Variants in NAALADL2 observed in about 807,000 individuals in gnomAD.
NAALADL2 encodes the protein inactive N-acetylated-alpha-linked acidic dipeptidase-like protein 2.
Under a neutral mutation model 87.2 loss-of-function variants are expected in NAALADL2, and 76 were observed. The observed-to-expected ratio is 0.87, with a 90% CI of 0.72 to 1.05. NAALADL2 has a LOEUF of 1.05. Among genes scored for constraint, NAALADL2 ranks in the 50% least tolerant of loss-of-function variants. The pLI is 0.00. For synonymous variants in NAALADL2, 354 were observed against 331.0 expected (o/e 1.07, Z -0.75); for missense variants, 1,089 against 945.8 (o/e 1.15, Z -1.99).
At chr3:175,581,814 G>T (rs890367527) in intron 10 of NAALADL2, among the ~76,000 whole-genome samples, 14 of 152,152 alleles carry the variant, frequency 9.2e-5, no homozygotes, top group African/African-American at 3.1e-4. Context: ...GCTTATTTGA[G>T]GAAATGGACT....
intron 2 of NAALADL2, among the ~76,000 whole-genome samples, chr3:175,188,574 T>C (rs1183719459): frequency 6.6e-6 from 1 of 152,080 alleles, no homozygotes; most frequent in East Asian, 1.9e-4. Flanking sequence ...TGCCATCTCA[T>C]CCTCCAGGCC....
At chr3:175,250,194 T>C (rs917674023) in intron 3 of NAALADL2, among the ~76,000 whole-genome samples, 13 of 151,212 alleles carry the variant, frequency 8.6e-5, no homozygotes, top group Non-Finnish European at 1.0e-4. Context: ...AAAGAGCGAT[T>C]AGTATTCTTA....
At chr3:175,745,223 C>A (rs1405911229) in intron 12 of NAALADL2, among the ~76,000 whole-genome samples, 1 of 152,166 alleles carries the variant, frequency 6.6e-6, no homozygotes, top group South Asian at 2.1e-4. Flanking sequence ...CTTGAAAGCT[C>A]ACTTTGACTG....
At chr3:174,614,342 G>A (rs1267282046) in intron 2 of NAALADL2, among the ~76,000 whole-genome samples, 2 of 152,154 alleles carry the variant, frequency 1.3e-5, no homozygotes, top group African/African-American at 2.4e-5. Context: ...TCTTGTGGTG[G>A]CGAGGCTTGC....
At chr3:175,460,082 A>C (rs1722885032) in intron 6 of NAALADL2, 1 of 445,012 alleles carries the variant, frequency 2.2e-6, no homozygotes, top group Non-Finnish European at 4.5e-6. Context: ...TTGTAGGATA[A>C]ATTTCTAAGT....
intron 2 of NAALADL2, among the ~76,000 whole-genome samples, chr3:174,643,795 A>G (rs371212479): frequency 1.3e-5 from 2 of 152,370 alleles, no homozygotes; most frequent in East Asian, 1.9e-4. Flanking sequence ...TGTTATTTAC[A>G]TACAACAGTG....
At chr3:175,500,746 G>C (rs898765024) in intron 9 of NAALADL2, among the ~76,000 whole-genome samples, 1 of 152,010 alleles carries the variant, frequency 6.6e-6, no homozygotes, top group African/African-American at 2.4e-5. Flanking sequence ...GGCGCATAGA[G>C]AAATTAAGAT....
At chr3:175,125,503 A>T (rs1174969121) in intron 2 of NAALADL2, among the ~76,000 whole-genome samples, 1 of 152,036 alleles carries the variant, frequency 6.6e-6, no homozygotes, top group Non-Finnish European at 1.5e-5. Context: ...GTGCAAAGAT[A>T]TTGGATCCTT....
At chr3:175,695,545 G>A (rs1296584710) in intron 11 of NAALADL2, among the ~76,000 whole-genome samples, 6 of 152,104 alleles carry the variant, frequency 3.9e-5, no homozygotes, top group Admixed American at 6.6e-5. Flanking sequence ...AATATGCTGA[G>A]CTTTTGTAGG....
intron 2 of NAALADL2, among the ~76,000 whole-genome samples, chr3:175,130,349 T>C (rs1285981758): frequency 1.3e-5 from 2 of 152,200 alleles, no homozygotes; most frequent in Non-Finnish European, 2.9e-5. Flanking sequence ...TTTAGTTTTA[T>C]GTAGTCCCAC....
At chr3:174,752,128 C>T (rs1231681563) in intron 3 of NAALADL2, among the ~76,000 whole-genome samples, 4 of 152,010 alleles carry the variant, frequency 2.6e-5, no homozygotes, top group Non-Finnish European at 5.9e-5. Flanking sequence ...TAGGCGCCCG[C>T]CACCATGCCC....
chr3:175,742,846 TGGG>T (rs1203810079), intron 12 of NAALADL2, among the ~76,000 whole-genome samples: 1 of 152,126 alleles, frequency 6.6e-6, no homozygotes, highest in Non-Finnish European at 1.5e-5. Context: ...TGTAATAAGT[TGGG>T]GGGAATTCAG....
At chr3:174,779,238 A>C (rs1240839719) in intron 3 of NAALADL2, among the ~76,000 whole-genome samples, 1 of 152,018 alleles carries the variant, frequency 6.6e-6, no homozygotes. Context: ...AGTGATGATG[A>C]GCTTTTTTTC....
intron 1 of NAALADL2, among the ~76,000 whole-genome samples, chr3:174,903,737 CA>C (rs1480986059): frequency 6.6e-6 from 1 of 151,834 alleles, no homozygotes; most frequent in Non-Finnish European, 1.5e-5. Flanking sequence ...TGGAAGGATG[CA>C]GTGTTCCCTG....
chr3:174,838,847 A>T (rs1246262824), intron 3 of NAALADL2, among the ~76,000 whole-genome samples: 1 of 152,150 alleles, frequency 6.6e-6, no homozygotes, highest in African/African-American at 2.4e-5. Flanking sequence ...GAAATCATAG[A>T]CGACACAAGC....
intron 13 of NAALADL2, among the ~76,000 whole-genome samples, chr3:175,784,099 T>G (rs377695160): frequency 1.8e-4 from 27 of 147,864 alleles, no homozygotes; most frequent in South Asian, 4.3e-4. Context: ...GCTGGATTCG[T>G]TTTGCCAGTA....
At chr3:174,988,647 T>C (rs2108695512) in intron 1 of NAALADL2, among the ~76,000 whole-genome samples, 1 of 152,276 alleles carries the variant, frequency 6.6e-6, no homozygotes, top group Non-Finnish European at 1.5e-5. Flanking sequence ...TTCAAGCCTC[T>C]CTCCTAGCTT....
chr3:175,213,996 C>T (rs924377179), intron 2 of NAALADL2, among the ~76,000 whole-genome samples: 54 of 151,896 alleles, frequency 3.6e-4, no homozygotes, highest in African/African-American at 1.1e-3. Context: ...GTTAAAGTAA[C>T]GGGAAGAAAA....
chr3:175,603,998 C>A (rs1316842772), intron 10 of NAALADL2, among the ~76,000 whole-genome samples: 2 of 151,936 alleles, frequency 1.3e-5, no homozygotes, highest in Non-Finnish European at 2.9e-5. Flanking sequence ...GAAAGAAAAA[C>A]AACAACAACA....
Sources: allele counts gnomAD v4.1 joint callset (sites outside exome capture counted in the v4.1 genomes callset), GRCh38; gene constraint gnomAD v4.1.1; transcripts MANE v1.5; gene names NCBI Gene and HGNC (gene_info 2026-07-23, HGNC 2026-07-21).